The following KBTBD8 variants were observed in gnomAD, a reference collection of about 807,000 sequenced individuals.
The protein encoded by KBTBD8 is kelch repeat and BTB domain containing 8.
In KBTBD8, 31 loss-of-function variants were observed where a neutral mutation model predicts 53.5. The observed-to-expected ratio is 0.58, with a 90% CI of 0.44 to 0.78. KBTBD8 has a LOEUF of 0.78. KBTBD8 is among the 30% of genes least tolerant of loss of function. The probability of loss-of-function intolerance (pLI) is 0.00; values close to 1 mark genes in which losing one functional copy is unlikely to be tolerated. For missense variants in KBTBD8, 642 were observed against 735.8 expected (o/e 0.87, Z 1.48); for synonymous variants, 250 against 247.3 (o/e 1.01, Z -0.10).
At chr3:66,998,830 C>G (rs1337674521) in intron 1 of KBTBD8, 151 bp from the exon 2 acceptor site, 12 of 650,340 alleles carry the variant, frequency 1.8e-5, no homozygotes, top group Non-Finnish European at 3.0e-5. Flanking sequence ...CCTTAACTCG[C>G]GGTCCCACGA....
chr3:67,000,150 A>G (rs997045817), intron 2 of KBTBD8, among the ~76,000 whole-genome samples: 2 of 152,232 alleles, frequency 1.3e-5, no homozygotes, highest in Non-Finnish European at 2.9e-5. Flanking sequence ...TAATGTTCCA[A>G]CAGTAGTTTC....
Position 67,003,843 on chromosome 3 carries a change from T to G in KBTBD8, c.876T>G (p.Asp292Glu). The change falls in exon 3 of 4, where the codon GAT (aspartate) becomes GAG (glutamate). Residue 292 changes from aspartate (D) to glutamate (E), a missense_variant. Transcript: ENST00000417314. ...MTASEMIICFDAAHKHSGKKQ... is the reference protein window; with the variant it reads ...MTASEMIICFEAAHKHSGKKQ... ...CTTCTGAAATGATCATATGTTTTGA[T>G]GCTGCCCACAAACACTCAGGAAAGA... The G allele has an allele frequency of 1.2e-6, 2 of 1,614,198 alleles. No homozygotes were observed. Among genetic ancestry groups the G allele is most frequent in the Non-Finnish European group, 1.7e-6 (2 of 1,180,034 alleles).
chr3:67,008,005 G>A lies in KBTBD8; in HGVS notation c.1426G>A (p.Ala476Thr), dbSNP rs780687019. The change falls in exon 4 of 4, where the codon GCA (alanine) becomes ACA (threonine). Residue 476 changes from alanine (A) to threonine (T), a missense_variant. Physicochemically the swap from Ala to Thr is moderately conservative, Grantham distance 58. Transcript: ENST00000417314. ...GACTGTGCCTAGAATCCAGGGCTTAGCAGCTGTATACAAGGACTCTATCTA... is the reference window on the plus strand; with the variant it reads ...GACTGTGCCTAGAATCCAGGGCTTAACAGCTGTATACAAGGACTCTATCTA... The part of the protein sequence containing the change: ...PMTVPRIQGL[A>T]AVYKDSIYYI... 4.3e-6 allele frequency: 7 copies of A among 1,613,300 alleles called. 1 individual carries two copies. The South Asian group carries it at 7.7e-5, about 18-fold the overall frequency.
chr3:67,008,682 A>G lies in KBTBD8; in HGVS notation c.*297A>G, dbSNP rs1702091602. The G allele has an allele frequency of 3.0e-6, 1 of 331,652 alleles. No individual in the cohort carries two copies. Among genetic ancestry groups the G allele is most frequent in the African/African-American group, 2.1e-5 (1 of 48,546 alleles). The allele number at this position is 331,652 out of a possible 1,614,324, so 20.5% of individuals were successfully genotyped here. ...ACTGAGGTACCAGATGAATCAGGAC[A>G]ACTATGCACTCTTATAAGAGCATTT... On this transcript the variant is annotated 3_prime_UTR_variant, in exon 4 of 4. Coordinates refer to ENST00000417314, the MANE Select transcript of KBTBD8 (RefSeq NM_032505.3).
Position 67,009,232 on chromosome 3 carries a change from A to G in KBTBD8, c.*847A>G, listed in dbSNP as rs1228599663. 1 of 152,622 alleles carries G rather than the reference A, an allele frequency of 6.6e-6. No individual in the cohort carries two copies. The highest frequency in any genetic ancestry group is 1.5e-5 in the Non-Finnish European group (1 of 68,024). The allele number at this position is 152,622 out of a possible 1,614,324, so 9.5% of individuals were successfully genotyped here. On this transcript the variant is annotated 3_prime_UTR_variant, in exon 4 of 4. Coordinates refer to ENST00000417314, the MANE Select transcript of KBTBD8 (RefSeq NM_032505.3). ...CCTGTTGAACTCTTGTGATTTCACA[A>G]GATTCTCTACTTATGTGATAGGAGG...
chr3:66,999,367 T>A (rs565727902), intron 2 of KBTBD8, among the ~76,000 whole-genome samples, 176 bp downstream of exon 2: 336 of 152,336 alleles, frequency 2.2e-3, no homozygotes, highest in African/African-American at 7.7e-3. Context: ...ACTTGAGGGA[T>A]TCTTCTAGAT....
chr3:67,005,400 A>G (rs1702056224), intron 3 of KBTBD8, among the ~76,000 whole-genome samples: 1 of 152,208 alleles, frequency 6.6e-6, no homozygotes, highest in Non-Finnish European at 1.5e-5. Context: ...ATGTTTAGAT[A>G]CAAAAATGCT....
chr3:67,003,021 A>G lies in KBTBD8; in HGVS notation c.228-174A>G, dbSNP rs531784579. ...TATGGGTTTTGAGGTTAGCCAGACT[A>G]AATCCTTCTGATACATTATCAATTT... On this transcript the variant is annotated intron_variant, in intron 2 of 3. Coordinates refer to ENST00000417314, the MANE Select transcript of KBTBD8 (RefSeq NM_032505.3). 5.2e-4 allele frequency among the ~76,000 whole-genome samples: 79 copies of G among 152,330 alleles called. 1 individual carries two copies. The highest frequency in any genetic ancestry group is 6.8e-3 in the Middle Eastern group (2 of 294).
Position 67,003,917 on chromosome 3 carries a change from T to C in KBTBD8, c.950T>C (p.Leu317Pro). Residue 317 changes from leucine (L) to proline (P), a missense_variant, in exon 3 of 4, where the codon CTA becomes CCA. Transcript: ENST00000417314. ...ATAGTCACAGGAAGGGTGTTTAAAC[T>C]ATGCAAACCACCAAATGACCTGAGA... ...LDIVTGRVFKLCKPPNDLREV... is the reference protein window; with the variant it reads ...LDIVTGRVFKPCKPPNDLREV... 6.2e-7 allele frequency: 1 copy of C among 1,614,158 alleles called. No individual in the cohort carries two copies. Among genetic ancestry groups the C allele is most frequent in the Non-Finnish European group, 8.5e-7 (1 of 1,180,036 alleles).
In KBTBD8 at chr3:67,007,900, GTTTTCTTT is replaced by G; in HGVS notation, c.1343-17_1343-10del. 4 of 1,277,378 alleles carry G rather than the reference GTTTTCTTT, an allele frequency of 3.1e-6. No individual in the cohort carries two copies. Among genetic ancestry groups the G allele is most frequent in the Non-Finnish European group, 4.3e-6 (4 of 926,678 alleles). 79.1% of individuals were successfully genotyped at this position (1,277,378 alleles called of 1,614,324 possible). On this transcript the variant is annotated splice_polypyrimidine_tract_variant and intron_variant, in intron 3 of 3. Coordinates refer to ENST00000417314, the MANE Select transcript of KBTBD8 (RefSeq NM_032505.3). ...CAAACATAAAAATTTACATATTCTT[GTTTTCTTT>G]TTTTTTTTTTTAGGAGAATTTTTTC...
At chr3:67,001,246 C>CTGTG (rs1336521851) in intron 2 of KBTBD8, among the ~76,000 whole-genome samples, 1 of 152,154 alleles carries the variant, frequency 6.6e-6, no homozygotes, top group East Asian at 1.9e-4. Flanking sequence ...GCGCTGCTTC[C>CTGTG]TGTGTGGGAT....
intron 2 of KBTBD8, 79 bp from the exon 3 acceptor site, chr3:67,003,116 A>G (rs1163090504): frequency 1.5e-6 from 2 of 1,377,548 alleles, no homozygotes; most frequent in Non-Finnish European, 2.0e-6. Flanking sequence ...CTTTGTGGTA[A>G]CTTTGTACTT....
At chr3:67,006,426 T>A (rs1480950455) in intron 3 of KBTBD8, among the ~76,000 whole-genome samples, 1 of 152,222 alleles carries the variant, frequency 6.6e-6, no homozygotes, top group Non-Finnish European at 1.5e-5. Context: ...CTTTAACTTT[T>A]ATTAAAGAGT....
In KBTBD8 at chr3:67,004,010, G is replaced by A. The variant is rs144606748; in HGVS notation, c.1043G>A (p.Ser348Asn). ...GCAGGAGGGTACAGGCCAAGCAGCA[G>A]TGAGGTCTCCATCGACCATAAGGCA... is the stretch of plus-strand genomic sequence containing the variant. ...YIAGGYRPSS[S>N]EVSIDHKAEN... Residue 348 changes from serine (S) to asparagine (N), a missense_variant, in exon 3 of 4, where the codon AGT (serine) becomes AAT (asparagine). Physicochemically the swap from Ser to Asn is conservative, Grantham distance 46. Transcript: ENST00000417314. 4 of 1,614,104 alleles carry A rather than the reference G, an allele frequency of 2.5e-6. No individual in the cohort carries two copies. The African/African-American group carries it at 4.0e-5, about 16-fold the overall frequency.
At position 67,008,244 on chromosome 3, in the gene KBTBD8, A is replaced by C; in HGVS notation, c.1665A>C (p.Lys555Asn). 3 of 1,614,084 alleles carry C rather than the reference A, an allele frequency of 1.9e-6. No individual in the cohort carries two copies. Among genetic ancestry groups the C allele is most frequent in the Non-Finnish European group, 2.5e-6 (3 of 1,180,028 alleles). ...VEEHVFRTSRKNSLYQYDDIA... is the reference protein window; with the variant it reads ...VEEHVFRTSRNNSLYQYDDIA... Reference sequence around the variant, plus strand: ...AACACGTCTTCAGAACCAGCAGAAAAAATTCCCTTTACCAATATGATGACA... The same window carrying C: ...AACACGTCTTCAGAACCAGCAGAAACAATTCCCTTTACCAATATGATGACA... The change falls in exon 4 of 4, where the codon AAA becomes AAC. Residue 555 changes from lysine (K) to asparagine (N), a missense_variant. By Grantham distance (94) the Lys-to-Asn change is moderately conservative. Coordinates refer to ENST00000417314, the MANE Select transcript of KBTBD8 (RefSeq NM_032505.3).
intron 3 of KBTBD8, among the ~76,000 whole-genome samples, chr3:67,006,316 G>T (rs1441901026): frequency 1.3e-5 from 2 of 152,250 alleles, no homozygotes; most frequent in South Asian, 2.1e-4. Context: ...TGAATTAATA[G>T]AATTTCAGGG....
Position 67,004,136 on chromosome 3 carries a change from G to A in KBTBD8, c.1169G>A (p.Gly390Asp). Residue 390 changes from glycine to aspartate, a missense_variant, in exon 3 of 4, where the codon GGT becomes GAT. Gly to Asp is a moderately conservative substitution (Grantham distance 94). Coordinates refer to ENST00000417314, the MANE Select transcript of KBTBD8 (RefSeq NM_032505.3). ...RIGCKLVYCCGKMYAIGGRVY... is the reference protein window; with the variant it reads ...RIGCKLVYCCDKMYAIGGRVY... ...GGCTGCAAACTTGTCTATTGCTGTG[G>A]TAAAATGTATGCAATCGGAGGTCGT... The A allele has an allele frequency of 6.2e-7, 1 of 1,614,220 alleles. No homozygotes were observed. Among genetic ancestry groups the A allele is most frequent in the Non-Finnish European group, 8.5e-7 (1 of 1,180,038 alleles).
rs754837320 is a variant in KBTBD8, at chr3:66,999,180, C to T, written c.216C>T (p.Ser72=). 5 of 1,613,884 alleles carry T rather than the reference C, an allele frequency of 3.1e-6. No homozygotes were observed. The East Asian group carries it at 1.1e-4, about 36-fold the overall frequency. ...ATAGAAACGTTCTTGCTGCAATCAG[C>T]CCTTACTTCAGGTATGATGATGGTA... ...SCHRNVLAAI[S]PYFRSMFTSG... Residue 72 remains serine, a synonymous_variant, in exon 2 of 4, where the codon AGC becomes AGT. Coordinates refer to ENST00000417314, the MANE Select transcript of KBTBD8 (RefSeq NM_032505.3).
intron 2 of KBTBD8, among the ~76,000 whole-genome samples, chr3:67,001,472 GA>G (rs1185663206): frequency 2.6e-5 from 4 of 152,186 alleles, no homozygotes; most frequent in African/African-American, 9.7e-5. Flanking sequence ...TAGAACAGAG[GA>G]AAACTCATGA....
Sources: gnomAD v4.1 joint callset for allele counts (sites outside exome capture counted in the v4.1 genomes callset) on GRCh38, gnomAD v4.1.1 for gene constraint, MANE v1.5 for transcripts, NCBI Gene and HGNC (gene_info 2026-07-23, HGNC 2026-07-21) for gene names.